Variants in KSR2 observed in about 807,000 individuals in gnomAD.
KSR2 encodes the protein kinase suppressor of ras 2.
Under a neutral mutation model 107.8 loss-of-function variants are expected in KSR2, and 25 were observed. The observed-to-expected ratio is 0.23, with a 90% CI of 0.17 to 0.32. KSR2 has a LOEUF of 0.32. Among genes scored for constraint, KSR2 ranks in the 10% least tolerant of loss-of-function variants. The pLI, the probability that KSR2 is intolerant of heterozygous loss-of-function variation, is 1.00. For synonymous variants in KSR2, 480 were observed against 507.0 expected (o/e 0.95, Z 0.71); for missense variants, 887 against 1,268.9 (o/e 0.70, Z 4.57).
chr12:117,781,904 G>A lies in KSR2; in HGVS notation c.473-20380C>T, dbSNP rs75132451. 7.4e-3 allele frequency among the ~76,000 whole-genome samples: 1,121 copies of A among 152,186 alleles called. 18 individuals are homozygous for A. The highest frequency in any genetic ancestry group is 0.026 in the African/African-American group (1,068 of 41,530). On this transcript the variant is annotated intron_variant, in intron 3 of 19. Coordinates refer to ENST00000339824, the MANE Select transcript of KSR2 (RefSeq NM_173598.6). ...ATGCAAAACTAAAAATATCCCTGCA[G>A]GTCTAAACAATAATTAAACCGTTGA... is the stretch of plus-strand genomic sequence containing the variant.
At chr12:117,902,318 C>T (rs1455622068) in intron 1 of KSR2, among the ~76,000 whole-genome samples, 1 of 151,678 alleles carries the variant, frequency 6.6e-6, no homozygotes, top group Non-Finnish European at 1.5e-5. Context: ...ATTAGCTGGG[C>T]GTGGTGGCGC....
intron 1 of KSR2, among the ~76,000 whole-genome samples, chr12:117,949,197 T>C (rs1183356622): frequency 6.6e-6 from 1 of 152,042 alleles, no homozygotes; most frequent in Admixed American, 6.6e-5. Context: ...AATCACAGAT[T>C]GAATGTAAAT....
intron 1 of KSR2, among the ~76,000 whole-genome samples, chr12:117,964,888 T>A (rs4534679): frequency 0.71 from 108,114 of 152,050 alleles, 39,125 homozygotes; most frequent in African/African-American, 0.86. Context: ...ATCTTCTGAC[T>A]ATGTGCCATG....
intron 1 of KSR2, among the ~76,000 whole-genome samples, chr12:117,942,763 G>T (rs181656669): frequency 1.2e-3 from 181 of 151,872 alleles, no homozygotes; most frequent in Middle Eastern, 6.8e-3. Context: ...GCCTTCCAAG[G>T]TGCTGGGATT....
chr12:117,524,446 G>A (rs1874971266), intron 14 of KSR2, among the ~76,000 whole-genome samples: 1 of 152,140 alleles, frequency 6.6e-6, no homozygotes, highest in Admixed American at 6.5e-5. Flanking sequence ...CAGGAGGATT[G>A]CTTGAGGCCA....
chr12:117,709,402 T>C (rs1321776156), intron 4 of KSR2, among the ~76,000 whole-genome samples: 5 of 152,146 alleles, frequency 3.3e-5, no homozygotes, highest in Admixed American at 1.3e-4. Flanking sequence ...GGTGCAATCA[T>C]AGCTCACTAC....
Position 117,760,917 on chromosome 12 carries a change from C to G in KSR2, c.986+94G>C. On this transcript the variant is annotated intron_variant, in intron 4 of 19. Transcript: ENST00000339824. ...AGAGTCTGGAACGCAAGTCTGTTCC[C>G]GGTTTCCTTGACCTGGGCAGTTCCT... 3.3e-6 allele frequency: 5 copies of G among 1,505,114 alleles called. No individual in the cohort carries two copies. In the South Asian group the frequency reaches 4.7e-5, roughly 14 times the overall value. 93.2% of individuals were successfully genotyped at this position (1,505,114 alleles called of 1,614,324 possible).
intron 4 of KSR2, among the ~76,000 whole-genome samples, chr12:117,668,360 C>A (rs1052451584): frequency 3.9e-5 from 6 of 152,180 alleles, no homozygotes; most frequent in Non-Finnish European, 8.8e-5. Flanking sequence ...TCAGATGGTG[C>A]CCACCTTAGG....
chr12:117,498,698 T>C (rs904961854), intron 14 of KSR2, among the ~76,000 whole-genome samples: 6 of 152,192 alleles, frequency 3.9e-5, no homozygotes, highest in African/African-American at 7.2e-5. Context: ...TGGGAGATAA[T>C]TGAATCATGG....
At chr12:117,720,608 G>C (rs1003879193) in intron 4 of KSR2, among the ~76,000 whole-genome samples, 29 of 152,344 alleles carry the variant, frequency 1.9e-4, no homozygotes, top group Admixed American at 1.9e-3. Flanking sequence ...TTGTGTGCCA[G>C]GCAATGATAA....
At chr12:117,650,570 C>T (rs1167629695) in intron 5 of KSR2, among the ~76,000 whole-genome samples, 3 of 152,132 alleles carry the variant, frequency 2.0e-5, no homozygotes, top group Non-Finnish European at 4.4e-5. Context: ...AAGGACTCTA[C>T]TTCTAATAGT....
At chr12:117,668,021 T>C (rs1884740681) in intron 4 of KSR2, among the ~76,000 whole-genome samples, 1 of 152,160 alleles carries the variant, frequency 6.6e-6, no homozygotes, top group Non-Finnish European at 1.5e-5. Context: ...CCCCAACCCG[T>C]GGCCAAGCTG....
intron 4 of KSR2, among the ~76,000 whole-genome samples, chr12:117,725,194 T>G (rs1428485985): frequency 6.6e-6 from 1 of 152,124 alleles, no homozygotes; most frequent in Non-Finnish European, 1.5e-5. Flanking sequence ...GCTTAGTTTT[T>G]GTCTCCCAAC....
At chr12:117,637,683 T>TTTTG (rs2136393051) in intron 5 of KSR2, among the ~76,000 whole-genome samples, 1 of 131,942 alleles carries the variant, frequency 7.6e-6, no homozygotes, top group South Asian at 2.7e-4. Flanking sequence ...GGGTTTTTTT[T>TTTTG]TTTTTTTTTT....
At chr12:117,699,499 G>A (rs1886212785) in intron 4 of KSR2, among the ~76,000 whole-genome samples, 1 of 152,144 alleles carries the variant, frequency 6.6e-6, no homozygotes, top group African/African-American at 2.4e-5. Context: ...ATTGCTTCCA[G>A]GCTACAAATC....
chr12:117,645,389 A>G (rs1171584260), intron 5 of KSR2, among the ~76,000 whole-genome samples: 1 of 152,186 alleles, frequency 6.6e-6, no homozygotes, highest in East Asian at 1.9e-4. Context: ...AAAAAGTTCT[A>G]CAAATGCAAT....
At chr12:117,819,631 A>G (rs1891493461) in intron 3 of KSR2, among the ~76,000 whole-genome samples, 1 of 152,230 alleles carries the variant, frequency 6.6e-6, no homozygotes, top group Non-Finnish European at 1.5e-5. Flanking sequence ...CGTTCAAAAG[A>G]AGTGGAATGA....
chr12:117,793,920 GCA>G (rs1436230617), intron 3 of KSR2, among the ~76,000 whole-genome samples: 42 of 128,276 alleles, frequency 3.3e-4, no homozygotes, highest in South Asian at 5.2e-4. Flanking sequence ...ACACCAACAT[GCA>G]CACACACCAT....
chr12:117,487,955 C>G (rs369557694), intron 14 of KSR2, among the ~76,000 whole-genome samples: 90 of 152,254 alleles, frequency 5.9e-4, no homozygotes, highest in African/African-American at 2.0e-3. Context: ...CCAAATCTCA[C>G]CTTGAATTGT....
Sources: gnomAD v4.1 joint callset for allele counts (sites outside exome capture counted in the v4.1 genomes callset) on GRCh38, gnomAD v4.1.1 for gene constraint, MANE v1.5 for transcripts, NCBI Gene and HGNC (gene_info 2026-07-23, HGNC 2026-07-21) for gene names.